ERG: variants seen among roughly 807,000 people sequenced by gnomAD.
ERG encodes the protein ETS transcription factor ERG, also known as transcriptional regulator ERG.
Under a neutral mutation model 55.3 loss-of-function variants are expected in ERG, and 9 were observed. That is an observed-to-expected ratio of 0.16 (90% confidence interval 0.10 to 0.28). The LOEUF is 0.28. ERG is among the 10% of genes least tolerant of loss of function. The probability of loss-of-function intolerance (pLI) is 1.00; values close to 1 mark genes in which losing one functional copy is unlikely to be tolerated. For missense variants in ERG, 434 were observed against 631.6 expected (o/e 0.69, Z 3.35); for synonymous variants, 223 against 237.3 (o/e 0.94, Z 0.55).
intron 2 of ERG, among the ~76,000 whole-genome samples, chr21:38,528,600 A>G (rs2059649154): frequency 1.1e-5 from 1 of 94,316 alleles, no homozygotes; most frequent in Non-Finnish European, 2.4e-5. Flanking sequence ...GGCACCCGCC[A>G]CTACGCCCGG....
chr21:38,439,562 G>C (rs926167695), intron 2 of ERG, among the ~76,000 whole-genome samples: 3 of 152,174 alleles, frequency 2.0e-5, no homozygotes, highest in Non-Finnish European at 2.9e-5. Flanking sequence ...AAGAAAGGGA[G>C]AGGGTGGCTG....
rs1286726717 is a variant in ERG at position 38,460,084 on chromosome 21, G to A, written c.19-14463C>T. On this transcript the variant is annotated intron_variant, in intron 1 of 9. Coordinates refer to ENST00000288319, the MANE Select transcript of ERG (RefSeq NM_182918.4). This position sits in a 1 kb window ranked among gnomAD's most constrained non-coding sequence, Gnocchi z 5.0. ...TCCTGAGAAAACGCGAAGGAGGGGA[G>A]GGTGTGAGCCCCCATGCATTCATGA... 6.6e-6 allele frequency among the ~76,000 whole-genome samples: 1 copy of A among 152,200 alleles called. No individual in the cohort carries two copies. The highest frequency in any genetic ancestry group is 1.5e-5 in the Non-Finnish European group (1 of 68,030).
Position 38,498,342 on chromosome 21 carries a change from T to C in ERG, c.18+21A>G. The C allele has an allele frequency of 6.3e-7, 1 of 1,599,470 alleles. No homozygotes were observed. Among genetic ancestry groups the C allele is most frequent in the Non-Finnish European group, 8.6e-7 (1 of 1,168,320 alleles). Reference sequence around the variant, plus strand: ...TAACAAGAACAAGATTTTGTCAAATTAAAAGGAACCCTTTCCTTACCTTAA... The same window carrying C: ...TAACAAGAACAAGATTTTGTCAAATCAAAAGGAACCCTTTCCTTACCTTAA... On this transcript the variant is annotated intron_variant, in intron 1 of 9. Coordinates refer to ENST00000288319, the MANE Select transcript of ERG (RefSeq NM_182918.4). The surrounding 1 kb of genome is among the most constrained non-coding windows in gnomAD (Gnocchi z 4.6).
chr21:38,507,081 C>T (rs2146713390), intron 2 of ERG, among the ~76,000 whole-genome samples: 1 of 152,174 alleles, frequency 6.6e-6, no homozygotes, highest in East Asian at 1.9e-4. Context: ...AGATAAAAGA[C>T]GCTGGCTCGA....
intron 2 of ERG, among the ~76,000 whole-genome samples, chr21:38,550,582 A>T (rs559621043): frequency 6.6e-6 from 1 of 152,290 alleles, no homozygotes; most frequent in South Asian, 2.1e-4. Flanking sequence ...TCAGGAAGAG[A>T]GCCCTCACCA....
chr21:38,451,384 T>C (rs929406143), intron 1 of ERG, among the ~76,000 whole-genome samples: 2 of 152,232 alleles, frequency 1.3e-5, no homozygotes, highest in African/African-American at 4.8e-5. Context: ...TTAATCAGAT[T>C]ATTCAGACAC....
At chr21:38,479,038 C>T (rs2059214068) in intron 1 of ERG, among the ~76,000 whole-genome samples, 1 of 152,192 alleles carries the variant, frequency 6.6e-6, no homozygotes, top group Admixed American at 6.5e-5. Context: ...ACCACAACAT[C>T]ATACTCAGTA....
intron 1 of ERG, among the ~76,000 whole-genome samples, chr21:38,597,565 A>G (rs1253722153): frequency 1.3e-5 from 2 of 151,964 alleles, no homozygotes; most frequent in East Asian, 1.9e-4. Flanking sequence ...ATCTTTCTGG[A>G]GCACCCTGGC....
At chr21:38,599,447 G>A (rs1383236301) in intron 1 of ERG, among the ~76,000 whole-genome samples, 1 of 152,208 alleles carries the variant, frequency 6.6e-6, no homozygotes, top group African/African-American at 2.4e-5. Context: ...TTAGACCTTT[G>A]CTTCACAGAG....
At chr21:38,419,890 C>T (rs1475965535) in intron 3 of ERG, among the ~76,000 whole-genome samples, 1 of 152,264 alleles carries the variant, frequency 6.6e-6, no homozygotes, top group African/African-American at 2.4e-5. Flanking sequence ...GACAAAGCCC[C>T]CCAGCTCCTC....
chr21:38,569,306 G>T (rs574853324), intron 2 of ERG, among the ~76,000 whole-genome samples: 1 of 152,350 alleles, frequency 6.6e-6, no homozygotes, highest in African/African-American at 2.4e-5. Flanking sequence ...CAAAGCCAAG[G>T]CAGGAGGACA....
chr21:38,647,816 G>A (rs1351588008), intron 1 of ERG, among the ~76,000 whole-genome samples: 1 of 152,126 alleles, frequency 6.6e-6, no homozygotes, highest in Non-Finnish European at 1.5e-5. Context: ...TCACATACAC[G>A]TCACCTCCTA....
intron 2 of ERG, among the ~76,000 whole-genome samples, chr21:38,571,655 C>A (rs944608186): frequency 6.6e-6 from 1 of 152,138 alleles, no homozygotes; most frequent in Non-Finnish European, 1.5e-5. Flanking sequence ...AAACAGCCTG[C>A]TCATTTTGTT....
At chr21:38,407,189 T>C (rs1988812848) in intron 3 of ERG, among the ~76,000 whole-genome samples, 1 of 152,220 alleles carries the variant, frequency 6.6e-6, no homozygotes, top group Non-Finnish European at 1.5e-5. Flanking sequence ...TGATTTATTG[T>C]CAAGGATGTT....
intron 1 of ERG, among the ~76,000 whole-genome samples, chr21:38,452,025 G>T (rs1045904865): frequency 6.6e-6 from 1 of 152,098 alleles, no homozygotes; most frequent in East Asian, 1.9e-4. Context: ...TTGTGTTCAC[G>T]TTTTTCTAAT....
chr21:38,455,867 G>GGCC (rs1555901690), intron 1 of ERG, among the ~76,000 whole-genome samples: 5 of 135,514 alleles, frequency 3.7e-5, no homozygotes, highest in Non-Finnish European at 3.3e-5. Context: ...AATTGGTACG[G>GGCC]TCCCCCCCCT....
intron 1 of ERG, among the ~76,000 whole-genome samples, chr21:38,620,840 C>T (rs1011981744): frequency 3.9e-5 from 6 of 152,150 alleles, no homozygotes; most frequent in African/African-American, 1.4e-4. Flanking sequence ...CAAGACAGGT[C>T]TAAAAATCTT....
chr21:38,544,396 A>G (rs2146803114), intron 2 of ERG, among the ~76,000 whole-genome samples: 1 of 152,282 alleles, frequency 6.6e-6, no homozygotes, highest in African/African-American at 2.4e-5. Context: ...AAGCGAGGAC[A>G]ATTAGGAAAG....
chr21:38,490,079 C>A (rs1389664521), intron 1 of ERG, among the ~76,000 whole-genome samples: 1 of 152,170 alleles, frequency 6.6e-6, no homozygotes, highest in Non-Finnish European at 1.5e-5. Context: ...ATTTCCCAGC[C>A]CTGTTTTAAG....
Sources: allele counts gnomAD v4.1 joint callset (sites outside exome capture counted in the v4.1 genomes callset), GRCh38; gene constraint gnomAD v4.1.1; non-coding constraint Gnocchi (gnomAD v3.1); transcripts MANE v1.5; gene names NCBI Gene and HGNC (gene_info 2026-07-23, HGNC 2026-07-21).